Variants in ASIC2 observed in about 807,000 individuals in gnomAD.
ASIC2 encodes acid-sensing ion channel 2.
In ASIC2, 25 loss-of-function variants were observed where a neutral mutation model predicts 57.3. The ratio of observed to expected loss-of-function variants is 0.44; its 90% CI spans 0.32 to 0.61. The LOEUF is 0.61. Among genes scored for constraint, ASIC2 ranks in the 20% least tolerant of loss-of-function variants. The pLI is 0.06. For synonymous variants in ASIC2, 319 were observed against 307.5 expected (o/e 1.04, Z -0.39); for missense variants, 641 against 738.1 (o/e 0.87, Z 1.52).
intron 1 of ASIC2, among the ~76,000 whole-genome samples, chr17:33,494,855 C>T (rs1446923090): frequency 6.6e-6 from 1 of 152,162 alleles, no homozygotes; most frequent in East Asian, 1.9e-4. Context: ...GTGATGACGC[C>T]CTGTGTCTAG....
At chr17:33,433,991 A>T (rs904459387) in intron 1 of ASIC2, among the ~76,000 whole-genome samples, 12 of 151,950 alleles carry the variant, frequency 7.9e-5, no homozygotes, top group Non-Finnish European at 1.8e-4. Flanking sequence ...AAAGGAGAAA[A>T]TTTTTAAAAA....
upstream of ASIC2, among the ~76,000 whole-genome samples, chr17:33,296,718 A>C (rs1193815221): frequency 2.0e-5 from 3 of 152,174 alleles, no homozygotes; most frequent in Non-Finnish European, 2.9e-5. Context: ...CATTAAATGA[A>C]TCTGTTGGGA....
chr17:33,384,009 A>G (rs1909582548), intron 1 of ASIC2, among the ~76,000 whole-genome samples: 1 of 152,216 alleles, frequency 6.6e-6, no homozygotes. Flanking sequence ...TGCATTATTA[A>G]AAGTAGAGGA....
intron 1 of ASIC2, among the ~76,000 whole-genome samples, chr17:33,182,901 T>C (rs73982442): frequency 0.045 from 6,780 of 152,314 alleles, 482 homozygotes; most frequent in African/African-American, 0.15. Context: ...AGTTGCCTGT[T>C]GATTTTTCTT....
At chr17:33,170,825 T>C (rs970359089) in intron 1 of ASIC2, among the ~76,000 whole-genome samples, 8 of 152,234 alleles carry the variant, frequency 5.3e-5, no homozygotes, top group Non-Finnish European at 1.2e-4. Flanking sequence ...ATATTCACTC[T>C]ACTTTTGCTG....
intron 1 of ASIC2, among the ~76,000 whole-genome samples, chr17:33,357,149 C>T (rs1056550908): frequency 1.3e-4 from 12 of 89,048 alleles, no homozygotes; most frequent in Non-Finnish European, 2.6e-4. Context: ...GAGAACGGGG[C>T]CCTCTGGAGT....
At chr17:33,370,984 GGAACACGCC>G (rs767782994) in intron 1 of ASIC2, among the ~76,000 whole-genome samples, 35,154 of 152,122 alleles carry the variant, frequency 0.23, 4,383 homozygotes, top group Non-Finnish European at 0.27. Context: ...AGTAAGAGGA[GGAACACGCC>G]CACTCTAGGT....
At chr17:33,182,136 A>G (rs1158945624) in intron 1 of ASIC2, among the ~76,000 whole-genome samples, 1 of 152,194 alleles carries the variant, frequency 6.6e-6, no homozygotes, top group African/African-American at 2.4e-5. Flanking sequence ...GGTTATTGCA[A>G]TAATCTAGGG....
chr17:34,085,141 T>C (rs1323930298), intron 1 of ASIC2, among the ~76,000 whole-genome samples: 2 of 152,174 alleles, frequency 1.3e-5, no homozygotes, highest in Non-Finnish European at 2.9e-5. Flanking sequence ...ATGCTTCCAG[T>C]TTTTGCCCAT....
rs527292551 is a variant in ASIC2, at chr17:33,885,579, A to G, written c.555+270399T>C. On this transcript the variant is annotated intron_variant, in intron 1 of 9. Coordinates refer to the ASIC2 transcript ENST00000359872. ...CAGAAGAAAAAAATGACATACAGTA[A>G]GTTATGTGTCTTGCTTGAGGTCACA... Among the ~76,000 whole-genome samples the G allele has an allele frequency of 3.9e-5, 6 of 152,370 alleles. No homozygotes were observed. In the East Asian group the frequency reaches 1.2e-3, roughly 29 times the overall value.
intron 1 of ASIC2, among the ~76,000 whole-genome samples, chr17:33,584,435 G>A (rs1450563881): frequency 6.6e-6 from 1 of 152,094 alleles, no homozygotes; most frequent in African/African-American, 2.4e-5. Context: ...AGGATCTGAG[G>A]CTTTTAATTT....
intron 1 of ASIC2, among the ~76,000 whole-genome samples, chr17:34,112,337 A>G (rs1435709431): frequency 6.6e-6 from 1 of 152,164 alleles, no homozygotes; most frequent in Non-Finnish European, 1.5e-5. Context: ...AATAAATTCA[A>G]TAACAAAAAA....
intron 1 of ASIC2, among the ~76,000 whole-genome samples, chr17:33,957,141 A>G (rs915336817): frequency 3.9e-5 from 6 of 152,188 alleles, no homozygotes; most frequent in African/African-American, 7.2e-5. Context: ...AACTTCTACC[A>G]TGCCCCCACT....
At chr17:33,193,291 C>T (rs1419671178) in intron 1 of ASIC2, among the ~76,000 whole-genome samples, 2 of 152,140 alleles carry the variant, frequency 1.3e-5, no homozygotes, top group South Asian at 2.1e-4. Context: ...TCCAAGGCCT[C>T]GCCACCCTCT....
At chr17:33,441,865 C>T (rs530205934) in intron 1 of ASIC2, among the ~76,000 whole-genome samples, 5 of 152,240 alleles carry the variant, frequency 3.3e-5, no homozygotes, top group South Asian at 4.1e-4. Context: ...AAGCCTCCTC[C>T]GTCAAATAAA....
chr17:33,955,227 G>A (rs1904697279), intron 1 of ASIC2: 1 of 152,056 alleles, frequency 6.6e-6, no homozygotes. Context: ...CACTGTTCTG[G>A]GCACCATGGA....
chr17:33,032,087 G>T (rs1234428538), intron 3 of ASIC2, among the ~76,000 whole-genome samples: 1 of 152,158 alleles, frequency 6.6e-6, no homozygotes, highest in African/African-American at 2.4e-5. Flanking sequence ...TAATTGGAAG[G>T]TTTGATCTAT....
At chr17:33,225,593 G>T (rs1337029743) in intron 1 of ASIC2, among the ~76,000 whole-genome samples, 1 of 152,198 alleles carries the variant, frequency 6.6e-6, no homozygotes, top group East Asian at 1.9e-4. Context: ...CTCCCAAGGG[G>T]TCGCTGACCC....
At chr17:33,220,946 C>T (rs913729640) in intron 1 of ASIC2, among the ~76,000 whole-genome samples, 2 of 152,108 alleles carry the variant, frequency 1.3e-5, no homozygotes. Context: ...GTGGTGCACG[C>T]CTGTAGTCCC....
Sources: gnomAD v4.1 joint callset for allele counts (sites outside exome capture counted in the v4.1 genomes callset) on GRCh38, gnomAD v4.1.1 for gene constraint, MANE v1.5 for transcripts, NCBI Gene and HGNC (gene_info 2026-07-23, HGNC 2026-07-21) for gene names.